CCDC6: variants seen among roughly 807,000 people sequenced by gnomAD.
CCDC6 encodes coiled-coil domain-containing protein 6.
Under a neutral mutation model 56.6 loss-of-function variants are expected in CCDC6, and 20 were observed. That is an observed-to-expected ratio of 0.35 (90% CI 0.25 to 0.51). The LOEUF is 0.51. Among genes scored for constraint, CCDC6 ranks in the 20% least tolerant of loss-of-function variants. The pLI, the probability that CCDC6 is intolerant of heterozygous loss-of-function variation, is 0.95. For missense variants in CCDC6, 367 were observed against 601.1 expected, an observed-to-expected ratio of 0.61 and a Z score of 4.07; for synonymous variants, 241 against 234.4, an observed-to-expected ratio of 1.03 and a Z score of -0.26.
chr10:59,850,342 A>G (rs554781424), intron 2 of CCDC6, among the ~76,000 whole-genome samples: 18 of 134,718 alleles, frequency 1.3e-4, no homozygotes, highest in Admixed American at 8.6e-4. Context: ...GGTAAATTTT[A>G]TGTTACGTAA....
chr10:59,796,965 C>A, intron 7 of CCDC6, among the ~76,000 whole-genome samples: 1 of 99,336 alleles, frequency 1.0e-5, no homozygotes. Flanking sequence ...AGCCAGATTC[C>A]ATCTCAAAAA....
chr10:59,852,715 A>G lies in CCDC6; in HGVS notation c.304-13T>C, dbSNP rs1451588868. 23 of 1,530,550 alleles carry G rather than the reference A, an allele frequency of 1.5e-5. No homozygotes were observed. Among genetic ancestry groups the G allele is most frequent in the Non-Finnish European group, 1.7e-5 (20 of 1,148,462 alleles). The allele number at this position is 1,530,550 out of a possible 1,614,324, so 94.8% of individuals were successfully genotyped here. On this transcript the variant is annotated splice_polypyrimidine_tract_variant and intron_variant, in intron 1 of 8. Coordinates refer to ENST00000263102, the MANE Select transcript of CCDC6 (RefSeq NM_005436.5). ...CAGCCCTGGCTTGCTGTTTAAAAAA[A>G]AAAAAGGAAAGAACAAAACAAAACA... is the stretch of plus-strand genomic sequence containing the variant.
chr10:59,876,009 A>G (rs1250102106), intron 1 of CCDC6, among the ~76,000 whole-genome samples: 4 of 151,294 alleles, frequency 2.6e-5, no homozygotes, highest in Non-Finnish European at 4.4e-5. Flanking sequence ...AATCTTAATA[A>G]ATTCGCAATG....
intron 1 of CCDC6, among the ~76,000 whole-genome samples, chr10:59,896,017 G>A (rs1046362910): frequency 6.6e-6 from 1 of 152,152 alleles, no homozygotes; most frequent in African/African-American, 2.4e-5. Context: ...ACACGTTGTT[G>A]CCAGGAAAGT....
chr10:59,895,960 A>C (rs138940290), intron 1 of CCDC6, among the ~76,000 whole-genome samples: 1 of 152,278 alleles, frequency 6.6e-6, no homozygotes, highest in Non-Finnish European at 1.5e-5. Flanking sequence ...CTGCAGCCCA[A>C]GGCTTGGCCA....
chr10:59,899,213 A>G (rs2132687584), intron 1 of CCDC6, among the ~76,000 whole-genome samples: 1 of 152,366 alleles, frequency 6.6e-6, no homozygotes, highest in Admixed American at 6.5e-5. Flanking sequence ...AACCATCACC[A>G]AGCAGGAACA....
chr10:59,825,034 C>T (rs1359585226), intron 3 of CCDC6, among the ~76,000 whole-genome samples: 1 of 152,178 alleles, frequency 6.6e-6, no homozygotes, highest in African/African-American at 2.4e-5. Flanking sequence ...TCATTGGATT[C>T]CTCTAGCTGT....
At chr10:59,864,718 G>A (rs1023635422) in intron 1 of CCDC6, among the ~76,000 whole-genome samples, 3 of 152,236 alleles carry the variant, frequency 2.0e-5, no homozygotes, top group South Asian at 4.1e-4. Flanking sequence ...TCACATGGCC[G>A]CATTCAGGGG....
At chr10:59,852,496 T>C in intron 2 of CCDC6, 57 bp downstream of exon 2, 1 of 1,445,206 alleles carries the variant, frequency 6.9e-7, no homozygotes, top group Non-Finnish European at 9.3e-7. Flanking sequence ...TCAAAGTCAT[T>C]TTCTCCTAGA....
At chr10:59,892,648 T>C (rs998783650) in intron 1 of CCDC6, among the ~76,000 whole-genome samples, 1 of 151,600 alleles carries the variant, frequency 6.6e-6, no homozygotes, top group Admixed American at 6.6e-5. Flanking sequence ...TAATAGTTAA[T>C]ATCATTTTCT....
chr10:59,901,066 AC>A (rs1280789622), intron 1 of CCDC6, among the ~76,000 whole-genome samples: 6 of 152,338 alleles, frequency 3.9e-5, no homozygotes, highest in Non-Finnish European at 4.4e-5. Context: ...CACAAAAAAA[AC>A]AAACGGTTTT....
chr10:59,834,398 T>C (rs919897278), intron 2 of CCDC6, among the ~76,000 whole-genome samples: 7 of 150,442 alleles, frequency 4.7e-5, no homozygotes, highest in South Asian at 2.1e-4. Context: ...AACAAACAAA[T>C]AAATAAATAA....
chr10:59,871,785 C>A (rs1340274972), intron 1 of CCDC6, among the ~76,000 whole-genome samples: 1 of 152,034 alleles, frequency 6.6e-6, no homozygotes, highest in Non-Finnish European at 1.5e-5. Flanking sequence ...TGTGAGGGGG[C>A]AGGGGATCCA....
At chr10:59,823,495 C>A (rs1368420224) in intron 3 of CCDC6, among the ~76,000 whole-genome samples, 1 of 152,192 alleles carries the variant, frequency 6.6e-6, no homozygotes, top group African/African-American at 2.4e-5. Flanking sequence ...ACACCCCTCT[C>A]ACAACTACTG....
Position 59,870,199 on chromosome 10 carries a change from G to T in CCDC6, c.304-17497C>A, listed in dbSNP as rs532746781. Among the ~76,000 whole-genome samples, 8 of 152,288 alleles carry T rather than the reference G, an allele frequency of 5.3e-5. No individual in the cohort carries two copies. The South Asian group carries it at 1.7e-3, about 32-fold the overall frequency. ...GTGCCTGGCATATGGCAAGTACTCC[G>T]ATACTGGTTAACATATGGGCAACTC... On this transcript the variant is annotated intron_variant, in intron 1 of 8. Coordinates refer to ENST00000263102, the MANE Select transcript of CCDC6 (RefSeq NM_005436.5).
chr10:59,843,097 A>C (rs1397902513), intron 2 of CCDC6, among the ~76,000 whole-genome samples: 4 of 152,158 alleles, frequency 2.6e-5, no homozygotes, highest in Non-Finnish European at 4.4e-5. Flanking sequence ...CGTGTTAGCC[A>C]GGATGGTCTC....
At chr10:59,830,666 G>C (rs2070827722) in intron 3 of CCDC6, among the ~76,000 whole-genome samples, 1 of 152,152 alleles carries the variant, frequency 6.6e-6, no homozygotes, top group African/African-American at 2.4e-5. Context: ...TATTAACTTG[G>C]TATAGAGAAT....
At chr10:59,830,390 A>G (rs1241728506) in intron 3 of CCDC6, among the ~76,000 whole-genome samples, 2 of 152,184 alleles carry the variant, frequency 1.3e-5, no homozygotes, top group Non-Finnish European at 2.9e-5. Context: ...TTTCTATTAG[A>G]GGGAAAAACC....
intron 2 of CCDC6, among the ~76,000 whole-genome samples, chr10:59,841,096 A>C (rs141012343): frequency 1.3e-5 from 2 of 152,176 alleles, no homozygotes; most frequent in African/African-American, 4.8e-5. Context: ...CTATCATATC[A>C]AGCCTCCAGA....
Sources: gnomAD v4.1 joint callset for allele counts (sites outside exome capture counted in the v4.1 genomes callset) on GRCh38, gnomAD v4.1.1 for gene constraint, MANE v1.5 for transcripts, NCBI Gene and HGNC (gene_info 2026-07-23, HGNC 2026-07-21) for gene names.